KCNQ1: variants seen among roughly 807,000 people sequenced by gnomAD.
KCNQ1 encodes potassium voltage-gated channel subfamily KQT member 1.
In KCNQ1, 49 loss-of-function variants were observed where a neutral mutation model predicts 72.4. The observed-to-expected ratio is 0.68, with a 90% CI of 0.54 to 0.86. The LOEUF (loss-of-function observed/expected upper bound fraction) is 0.86, where lower values mean the gene tolerates loss of function less well. Among genes scored for constraint, KCNQ1 ranks in the 40% least tolerant of loss-of-function variants. The pLI, the probability that KCNQ1 is intolerant of heterozygous loss-of-function variation, is 0.00. For missense variants in KCNQ1, 790 were observed against 945.1 expected (o/e 0.84, Z 2.15); for synonymous variants, 450 against 412.6 (o/e 1.09, Z -1.10).
At position 2,827,245 on chromosome 11, in the gene KCNQ1, G is replaced by C. The variant is rs559746207; in HGVS notation, c.1795-20522G>C. ...GTGACCCTGGGGACAGCCCAAATAA[G>C]AGAGAACTTTGCCACCCGCAGGGTC... On this transcript the variant is annotated intron_variant, in intron 15 of 15. Coordinates refer to ENST00000155840, the MANE Select transcript of KCNQ1 (RefSeq NM_000218.3). This position sits in a 1 kb window ranked among gnomAD's most constrained non-coding sequence, Gnocchi z 6.7. Among the ~76,000 whole-genome samples the C allele has an allele frequency of 6.6e-6, 1 of 151,968 alleles. No individual in the cohort carries two copies. Among genetic ancestry groups the C allele is most frequent in the Non-Finnish European group, 1.5e-5 (1 of 67,948 alleles).
chr11:2,449,646 G>A (rs540020040), intron 1 of KCNQ1, among the ~76,000 whole-genome samples: 18 of 152,316 alleles, frequency 1.2e-4, no homozygotes, highest in African/African-American at 2.4e-5. Context: ...CAGGCTGTGC[G>A]GAGCTGAGTG....
In KCNQ1 at chr11:2,816,224, G is replaced by A. The variant is rs535147756; in HGVS notation, c.1795-31543G>A. Among the ~76,000 whole-genome samples, 4 of 152,338 alleles carry A rather than the reference G, an allele frequency of 2.6e-5. No individual in the cohort carries two copies. In the East Asian group the frequency reaches 5.8e-4, roughly 22 times the overall value. ...TGCAGTGTGGAAAAGACAAACAGGC[G>A]AGTGAAGTGGATAAAGATTCAGGTT... On this transcript the variant is annotated intron_variant, in intron 15 of 15. Coordinates refer to ENST00000155840, the MANE Select transcript of KCNQ1 (RefSeq NM_000218.3). This position sits in a 1 kb window ranked among gnomAD's most constrained non-coding sequence, Gnocchi z 6.8.
At chr11:2,628,935 G>T (rs1431481719) in intron 10 of KCNQ1, 3 of 398,044 alleles carry the variant, frequency 7.5e-6, no homozygotes, top group Non-Finnish European at 1.3e-5. Flanking sequence ...AAATGTGTGG[G>T]TTTATTTCTA....
Position 2,759,051 on chromosome 11 carries a change from C to A in KCNQ1, c.1515-9793C>A, listed in dbSNP as rs1159915359. Among the ~76,000 whole-genome samples the A allele has an allele frequency of 2.0e-5, 3 of 152,094 alleles. No homozygotes were observed. Among genetic ancestry groups the A allele is most frequent in the Non-Finnish European group, 4.4e-5 (3 of 68,024 alleles). On this transcript the variant is annotated intron_variant, in intron 11 of 15. Transcript: ENST00000155840. The surrounding 1 kb of genome is among the most constrained non-coding windows in gnomAD (Gnocchi z 4.4). ...CTCCTGGCGTTGATCTGTTACTCCACCCATGCAAGGTGTGACCGTCGCGAA... is the reference window on the plus strand; with the variant it reads ...CTCCTGGCGTTGATCTGTTACTCCAACCATGCAAGGTGTGACCGTCGCGAA...
rs77456565 is a variant in KCNQ1, at chr11:2,623,992, T to C, written c.1393+35138T>C. 0.02 allele frequency: 8,168 copies of C among 398,938 alleles called. 116 individuals are homozygous for C. The highest frequency in any genetic ancestry group is 0.026 in the Non-Finnish European group (5,938 of 226,296). 24.7% of individuals were successfully genotyped at this position (398,938 alleles called of 1,614,324 possible). On this transcript the variant is annotated intron_variant, in intron 10 of 15. Coordinates refer to ENST00000155840, the MANE Select transcript of KCNQ1 (RefSeq NM_000218.3). The surrounding 1 kb of genome is among the most constrained non-coding windows in gnomAD (Gnocchi z 5.2). ...CTGCACCACTTTACATTCCCATTAATGGTATATGTCAAAGTGGCTGTACCA... is the reference window on the plus strand; with the variant it reads ...CTGCACCACTTTACATTCCCATTAACGGTATATGTCAAAGTGGCTGTACCA...
chr11:2,750,296 G>A lies in KCNQ1; in HGVS notation c.1515-18548G>A, dbSNP rs1846208299. Among the ~76,000 whole-genome samples, 1 of 152,232 alleles carries A rather than the reference G, an allele frequency of 6.6e-6. No individual in the cohort carries two copies. Among genetic ancestry groups the A allele is most frequent in the African/African-American group, 2.4e-5 (1 of 41,452 alleles). ...TCAGCCCAGGGCGGAGGACATGGGAGACGGGGGTATAGCTGTTGGGCTTGT... is the reference window on the plus strand; with the variant it reads ...TCAGCCCAGGGCGGAGGACATGGGAAACGGGGGTATAGCTGTTGGGCTTGT... On this transcript the variant is annotated intron_variant, in intron 11 of 15. Transcript: ENST00000155840. The surrounding 1 kb of genome is among the most constrained non-coding windows in gnomAD (Gnocchi z 6.3).
At chr11:2,615,807 T>G (rs1849052023) in intron 10 of KCNQ1, 1 of 397,982 alleles carries the variant, frequency 2.5e-6, no homozygotes, top group South Asian at 1.3e-4. Context: ...AAATAAAAGA[T>G]TTTAGTATCT....
At position 2,598,668 on chromosome 11, in the gene KCNQ1, TG is replaced by T. The variant is rs1254181495; in HGVS notation, c.1393+9815del. 6.6e-6 allele frequency among the ~76,000 whole-genome samples: 1 copy of T among 151,866 alleles called. No homozygotes were observed. The highest frequency in any genetic ancestry group is 1.5e-5 in the Non-Finnish European group (1 of 68,022). On this transcript the variant is annotated intron_variant, in intron 10 of 15. Coordinates refer to ENST00000155840, the MANE Select transcript of KCNQ1 (RefSeq NM_000218.3). This position sits in a 1 kb window ranked among gnomAD's most constrained non-coding sequence, Gnocchi z 6.2. ...CTGAGACAGGAAAATTAAATCTTCC[TG>T]TACAATTATGTTTCTAAAAATTGAG...
intron 15 of KCNQ1, among the ~76,000 whole-genome samples, chr11:2,835,945 G>C (rs913612412): frequency 2.0e-5 from 3 of 152,074 alleles, no homozygotes; most frequent in Non-Finnish European, 4.4e-5. Flanking sequence ...CAGGGTGATC[G>C]GGCCCGGTCA....
Position 2,595,740 on chromosome 11 carries a change from C to T in KCNQ1, c.1393+6886C>T, listed in dbSNP as rs1282506923. ...TATGGCTGCTAACACAACATCCATT[C>T]TGCAGCCCATAATCAAGGAGTAATG... On this transcript the variant is annotated intron_variant, in intron 10 of 15. Coordinates refer to ENST00000155840, the MANE Select transcript of KCNQ1 (RefSeq NM_000218.3). This position sits in a 1 kb window ranked among gnomAD's most constrained non-coding sequence, Gnocchi z 5.0. Among the ~76,000 whole-genome samples, 1 of 152,170 alleles carries T rather than the reference C, an allele frequency of 6.6e-6. No individual in the cohort carries two copies. The highest frequency in any genetic ancestry group is 2.4e-5 in the African/African-American group (1 of 41,444).
intron 15 of KCNQ1, among the ~76,000 whole-genome samples, chr11:2,832,517 T>C (rs1320433047): frequency 6.6e-6 from 1 of 152,146 alleles, no homozygotes; most frequent in Non-Finnish European, 1.5e-5. Context: ...TACTGCAAGA[T>C]CAGGGAGATG....
At position 2,620,112 on chromosome 11, in the gene KCNQ1, T is replaced by C. The variant is rs1213414900; in HGVS notation, c.1393+31258T>C. 1.3e-5 allele frequency: 5 copies of C among 398,168 alleles called. No homozygotes were observed. The highest frequency in any genetic ancestry group is 2.1e-5 in the African/African-American group (1 of 48,584). 24.7% of individuals were successfully genotyped at this position (398,168 alleles called of 1,614,324 possible). ...CACTTGCAAGTGGTAACATGCAGTATTTGGTTTTCTGTTCCTGCATTAATT... is the reference window on the plus strand; with the variant it reads ...CACTTGCAAGTGGTAACATGCAGTACTTGGTTTTCTGTTCCTGCATTAATT... On this transcript the variant is annotated intron_variant, in intron 10 of 15. Transcript: ENST00000155840. The surrounding 1 kb of genome is among the most constrained non-coding windows in gnomAD (Gnocchi z 4.5).
At position 2,687,909 on chromosome 11, in the gene KCNQ1, C is replaced by T; in HGVS notation, c.1514+25828C>T. 2.5e-6 allele frequency: 1 copy of T among 398,712 alleles called. No individual in the cohort carries two copies. The highest frequency in any genetic ancestry group is 4.4e-6 in the Non-Finnish European group (1 of 226,108). The allele number at this position is 398,712 out of a possible 1,614,324, so 24.7% of individuals were successfully genotyped here. A position where few individuals can be genotyped will look rare whatever the true frequency, so the allele number is the denominator to read the frequency against. Reference sequence around the variant, plus strand: ...CGGAAATCCTGGTGGGATGGAAAATCCCCAGCAGTTGTGAGGCTGCACTTC... The same window carrying T: ...CGGAAATCCTGGTGGGATGGAAAATTCCCAGCAGTTGTGAGGCTGCACTTC... On this transcript the variant is annotated intron_variant, in intron 11 of 15. Transcript: ENST00000155840. The surrounding 1 kb of genome is among the most constrained non-coding windows in gnomAD (Gnocchi z 5.0).
intron 10 of KCNQ1, chr11:2,635,553 G>C (rs1390491499): frequency 6.6e-6 from 1 of 152,090 alleles, no homozygotes; most frequent in Admixed American, 6.5e-5. Flanking sequence ...CTCTGTTTTG[G>C]TACCAGTACC....
chr11:2,751,548 C>T (rs1338426183), intron 11 of KCNQ1, among the ~76,000 whole-genome samples: 1 of 152,250 alleles, frequency 6.6e-6, no homozygotes, highest in African/African-American at 2.4e-5. Context: ...CATCTGAGTT[C>T]ACTGCTGGTG....
chr11:2,613,337 G>A lies in KCNQ1; in HGVS notation c.1393+24483G>A, dbSNP rs929551416. 13 of 398,294 alleles carry A rather than the reference G, an allele frequency of 3.3e-5. No homozygotes were observed. Among genetic ancestry groups the A allele is most frequent in the East Asian group, 2.1e-4 (6 of 28,084 alleles). The allele number at this position is 398,294 out of a possible 1,614,324, so 24.7% of individuals were successfully genotyped here. On this transcript the variant is annotated intron_variant, in intron 10 of 15. Transcript: ENST00000155840. This position sits in a 1 kb window ranked among gnomAD's most constrained non-coding sequence, Gnocchi z 4.8. ...CTTTTAAAATTTTTCTTAATCTGTC[G>A]CTTGCCCAACCAGTATTGAAACATT...
chr11:2,790,749 T>C (rs1847006179), intron 15 of KCNQ1, among the ~76,000 whole-genome samples: 1 of 152,124 alleles, frequency 6.6e-6, no homozygotes, highest in African/African-American at 2.4e-5. Context: ...GCGTGGGCAG[T>C]GTCACAAGCT....
intron 11 of KCNQ1, chr11:2,688,911 C>A: frequency 2.5e-6 from 1 of 399,018 alleles, no homozygotes; most frequent in East Asian, 3.6e-5. Context: ...GCTAGGGCCA[C>A]CCCACACAGG....
intron 1 of KCNQ1, among the ~76,000 whole-genome samples, chr11:2,456,751 C>G (rs1298850030): frequency 8.1e-6 from 1 of 123,146 alleles, no homozygotes. Flanking sequence ...GAAACCCTGT[C>G]TCTACTAAAA....
Sources: gnomAD v4.1 joint callset for allele counts (sites outside exome capture counted in the v4.1 genomes callset) on GRCh38, gnomAD v4.1.1 for gene constraint, Gnocchi (gnomAD v3.1) non-coding constraint, MANE v1.5 for transcripts, NCBI Gene and HGNC (gene_info 2026-07-23, HGNC 2026-07-21) for gene names.